Variants in RIC1 observed in about 807,000 individuals in gnomAD.
RIC1 encodes RIC1 partner of RAB6A GEF complex, also known as guanine nucleotide exchange factor subunit RIC1.
A neutral mutation model predicts 169.0 loss-of-function variants in RIC1; 88 were observed. The ratio of observed to expected loss-of-function variants is 0.52; its 90% CI spans 0.44 to 0.62. The LOEUF (loss-of-function observed/expected upper bound fraction) is 0.62. RIC1 is among the 20% of genes least tolerant of loss of function. The pLI is 0.00. For missense variants in RIC1, 1,877 were observed against 1,725.5 expected, an observed-to-expected ratio of 1.09 and a Z score of -1.56; for synonymous variants, 790 against 601.5, an observed-to-expected ratio of 1.31 and a Z score of -4.59.
Position 5,710,377 on chromosome 9 carries a change from T to G in RIC1, c.333-3519T>G, listed in dbSNP as rs1277813190. On this transcript the variant is annotated intron_variant, in intron 3 of 25. Transcript: ENST00000414202. Reference sequence around the variant, plus strand: ...TGTCATAGTGCCTCTTTACCCTGCTTGGCTCCAGACTTCTGTCTTTCACGC... The same window carrying G: ...TGTCATAGTGCCTCTTTACCCTGCTGGGCTCCAGACTTCTGTCTTTCACGC... Among the ~76,000 whole-genome samples, 4 of 152,206 alleles carry G rather than the reference T, an allele frequency of 2.6e-5. No individual in the cohort carries two copies. In the East Asian group the frequency reaches 7.7e-4, roughly 29 times the overall value.
intron 1 of RIC1, among the ~76,000 whole-genome samples, chr9:5,632,907 T>C (rs975514480): frequency 7.2e-5 from 11 of 152,168 alleles, no homozygotes; most frequent in African/African-American, 2.7e-4. Flanking sequence ...GACATTCTCG[T>C]TTTTCAGGTC....
chr9:5,651,941 A>G (rs1217075903), intron 1 of RIC1, among the ~76,000 whole-genome samples: 1 of 152,186 alleles, frequency 6.6e-6, no homozygotes, highest in Non-Finnish European at 1.5e-5. Context: ...GCATGTGGCT[A>G]TCCAGGTTTC....
chr9:5,720,083 T>C lies in RIC1; in HGVS notation c.441-99T>C, dbSNP rs1487619399. ...TGGAGATGTTTTGTAAATGGTTTCA[T>C]GATCATTTTTGCATGAGTATTCTCT... On this transcript the variant is annotated intron_variant, in intron 4 of 25. Coordinates refer to ENST00000414202, the MANE Select transcript of RIC1 (RefSeq NM_020829.4). 6.0e-6 allele frequency: 5 copies of C among 839,704 alleles called. No individual in the cohort carries two copies. In the East Asian group the frequency reaches 1.3e-4, roughly 22 times the overall value. The allele number at this position is 839,704 out of a possible 1,614,324, so 52.0% of individuals were successfully genotyped here.
chr9:5,688,731 T>C (rs1821408760), intron 2 of RIC1, among the ~76,000 whole-genome samples: 1 of 152,188 alleles, frequency 6.6e-6, no homozygotes, highest in Non-Finnish European at 1.5e-5. Flanking sequence ...GGTCATTCCT[T>C]TGAAAAACAG....
rs1416044484 is a variant in RIC1, at chr9:5,765,813, A to G, written c.3137+15A>G. 1 of 1,613,448 alleles carries G rather than the reference A, an allele frequency of 6.2e-7. No homozygotes were observed. Among genetic ancestry groups the G allele is most frequent in the Non-Finnish European group, 8.5e-7 (1 of 1,179,718 alleles). ...TCTGGAAAAAGGTAAAATAATAAAG[A>G]GCCATTACTGCTTTTTGGGCATTCA... On this transcript the variant is annotated intron_variant, in intron 21 of 25. Coordinates refer to ENST00000414202, the MANE Select transcript of RIC1 (RefSeq NM_020829.4).
rs1038090908 is a variant in RIC1 at position 5,765,149 on chromosome 9, G to A, written c.2842-265G>A. The A allele has an allele frequency of 1.3e-5, 4 of 315,542 alleles. No individual in the cohort carries two copies. The East Asian group carries it at 2.2e-4, about 18-fold the overall frequency. 19.5% of individuals were successfully genotyped at this position (315,542 alleles called of 1,614,324 possible). A position where few individuals can be genotyped will look rare whatever the true frequency, so the allele number is the denominator to read the frequency against. ...TACAAATGATATGCCTATCTGCAGA[G>A]TCACTGGGAGAAATAAATGAAATGA... On this transcript the variant is annotated intron_variant, in intron 19 of 25. Transcript: ENST00000414202.
At chr9:5,728,468 A>G (rs1292534936) in intron 6 of RIC1, among the ~76,000 whole-genome samples, 1 of 152,192 alleles carries the variant, frequency 6.6e-6, no homozygotes, top group Non-Finnish European at 1.5e-5. Flanking sequence ...ATGAAAAGGA[A>G]TTCCCCGACC....
downstream of RIC1, among the ~76,000 whole-genome samples, chr9:5,777,784 G>A (rs189863662): frequency 2.0e-5 from 3 of 152,192 alleles, no homozygotes; most frequent in East Asian, 5.8e-4. Context: ...AACTATAGAG[G>A]TATGGGTTTA....
intron 3 of RIC1, among the ~76,000 whole-genome samples, chr9:5,711,821 C>T (rs1006495975): frequency 7.2e-5 from 11 of 152,018 alleles, no homozygotes; most frequent in Non-Finnish European, 1.3e-4. Context: ...TGAGAACATG[C>T]GGTGTTTGGT....
chr9:5,650,146 T>C (rs1038613891), intron 1 of RIC1, among the ~76,000 whole-genome samples: 1 of 152,080 alleles, frequency 6.6e-6, no homozygotes, highest in Admixed American at 6.5e-5. Context: ...ATTGGGTTGA[T>C]TCTTAGGCCT....
intron 1 of RIC1, among the ~76,000 whole-genome samples, chr9:5,656,004 G>A (rs1819075142): frequency 6.6e-6 from 1 of 151,978 alleles, no homozygotes; most frequent in Admixed American, 6.6e-5. Context: ...TGAGTAGCTG[G>A]GACTACAGGC....
chr9:5,745,768 T>C (rs1825339206), intron 10 of RIC1, among the ~76,000 whole-genome samples, 163 bp from the exon 11 acceptor site: 2 of 152,216 alleles, frequency 1.3e-5, no homozygotes, highest in South Asian at 4.1e-4. Context: ...AAGAGGTAAC[T>C]GAAGGTGTGA....
chr9:5,700,186 A>T lies in RIC1; in HGVS notation c.332+10148A>T, dbSNP rs1433696405. On this transcript the variant is annotated intron_variant, in intron 3 of 25. Coordinates refer to ENST00000414202, the MANE Select transcript of RIC1 (RefSeq NM_020829.4). ...CCTGATTAACCAATACTGAGCTGGG[A>T]ATGACCGACACTTCTTAGCTAGTTC... 5.3e-5 allele frequency among the ~76,000 whole-genome samples: 8 copies of T among 152,116 alleles called. No individual in the cohort carries two copies. The East Asian group carries it at 1.5e-3, about 29-fold the overall frequency.
chr9:5,724,663 T>A (rs922230141), intron 6 of RIC1, among the ~76,000 whole-genome samples: 1 of 152,210 alleles, frequency 6.6e-6, no homozygotes, highest in Admixed American at 6.5e-5. Flanking sequence ...TGCTTCCAGT[T>A]TTTGCCCATT....
intron 2 of RIC1, among the ~76,000 whole-genome samples, chr9:5,689,026 CTG>C (rs1821429043): frequency 6.9e-6 from 1 of 145,486 alleles, no homozygotes; most frequent in Admixed American, 6.8e-5. Context: ...TGTAATAGCA[CTG>C]TTTTTAATAC....
chr9:5,648,241 C>T (rs909474470), intron 1 of RIC1, among the ~76,000 whole-genome samples: 1 of 152,094 alleles, frequency 6.6e-6, no homozygotes, highest in African/African-American at 2.4e-5. Flanking sequence ...GTCTCGGCCT[C>T]CTGAAGTGCT....
chr9:5,669,548 G>T (rs1159891980), intron 2 of RIC1, among the ~76,000 whole-genome samples: 1 of 152,034 alleles, frequency 6.6e-6, no homozygotes, highest in Non-Finnish European at 1.5e-5. Flanking sequence ...ATGGGCATTT[G>T]ATTGTCATCT....
chr9:5,715,739 A>G (rs1201597996), intron 4 of RIC1, among the ~76,000 whole-genome samples: 3 of 152,088 alleles, frequency 2.0e-5, no homozygotes, highest in Non-Finnish European at 4.4e-5. Flanking sequence ...TTAATTGAGG[A>G]TAGAGAATGT....
At chr9:5,679,138 C>A (rs200332114) in intron 2 of RIC1, among the ~76,000 whole-genome samples, 4 of 151,718 alleles carry the variant, frequency 2.6e-5, no homozygotes, top group East Asian at 3.9e-4. Flanking sequence ...CAGGTTTGTC[C>A]AAGATCAGAT....
Sources: allele counts gnomAD v4.1 joint callset (sites outside exome capture counted in the v4.1 genomes callset), GRCh38; gene constraint gnomAD v4.1.1; transcripts MANE v1.5; gene names NCBI Gene and HGNC (gene_info 2026-07-23, HGNC 2026-07-21).